The following CABLES1 variants were observed in gnomAD, a reference collection of about 807,000 sequenced individuals.
CABLES1 encodes Cdk5 and Abl enzyme substrate 1.
A neutral mutation model predicts 57.8 loss-of-function variants in CABLES1; 36 were observed. That is an observed-to-expected ratio of 0.62 (90% CI 0.48 to 0.82). The LOEUF is 0.82. CABLES1 is among the 40% of genes least tolerant of loss of function. The pLI, the probability that CABLES1 is intolerant of heterozygous loss-of-function variation, is 0.00. For synonymous variants in CABLES1, 374 were observed against 363.0 expected (o/e 1.03, Z -0.35); for missense variants, 767 against 836.6 (o/e 0.92, Z 1.03).
intron 7 of CABLES1, among the ~76,000 whole-genome samples, chr18:23,242,369 A>C (rs556352431): frequency 1.2e-4 from 18 of 152,318 alleles, no homozygotes; most frequent in Non-Finnish European, 2.1e-4. Context: ...ACCACAGAAC[A>C]GAGAATGTTG....
chr18:23,170,371 C>T (rs564525427), intron 1 of CABLES1, among the ~76,000 whole-genome samples: 1 of 152,304 alleles, frequency 6.6e-6, no homozygotes, highest in South Asian at 2.1e-4. Context: ...TGTCTGACCA[C>T]ACACAGAACA....
intron 7 of CABLES1, 33 bp downstream of exon 7, chr18:23,237,278 G>A (rs757939131): frequency 4.2e-6 from 6 of 1,440,768 alleles, no homozygotes; most frequent in Non-Finnish European, 5.9e-6. Flanking sequence ...TCCGTTTGCT[G>A]CACCGTCAGT....
chr18:23,153,254 C>T (rs2046943010), intron 1 of CABLES1, among the ~76,000 whole-genome samples: 1 of 151,992 alleles, frequency 6.6e-6, no homozygotes, highest in African/African-American at 2.4e-5. Flanking sequence ...CACTACCACA[C>T]CTGGCTAATT....
Position 23,135,672 on chromosome 18 carries a change from C to G in CABLES1, c.-91C>G. On this transcript the variant is annotated 5_prime_UTR_variant, in exon 1 of 10. Transcript: ENST00000256925. Reference sequence around the variant, plus strand: ...CGCCCGATCCCCGCGCCCTACCCAGCCCGGGTCGCCGCCGCTCGCGCCCGC... The same window carrying G: ...CGCCCGATCCCCGCGCCCTACCCAGGCCGGGTCGCCGCCGCTCGCGCCCGC... The G allele has an allele frequency of 1.0e-6, 1 of 977,760 alleles. No homozygotes were observed. The highest frequency in any genetic ancestry group is 4.7e-5 in the South Asian group (1 of 21,202). The allele number at this position is 977,760 out of a possible 1,614,324, so 60.6% of individuals were successfully genotyped here.
At chr18:23,159,956 A>C (rs1598804246) in intron 1 of CABLES1, among the ~76,000 whole-genome samples, 1 of 152,138 alleles carries the variant, frequency 6.6e-6, no homozygotes, top group East Asian at 1.9e-4. Flanking sequence ...AAGAATCATA[A>C]GTAACACTTG....
chr18:23,182,499 A>T (rs1425021670), intron 1 of CABLES1, among the ~76,000 whole-genome samples: 1 of 152,156 alleles, frequency 6.6e-6, no homozygotes, highest in Admixed American at 6.5e-5. Flanking sequence ...TCTCACTAGA[A>T]TCCCCCGGGA....
chr18:23,176,231 T>TGG (rs763634154), intron 1 of CABLES1, among the ~76,000 whole-genome samples: 2 of 151,762 alleles, frequency 1.3e-5, no homozygotes, highest in Non-Finnish European at 2.9e-5. Context: ...GCACTGGGGG[T>TGG]GGGGGGATGG....
intron 1 of CABLES1, among the ~76,000 whole-genome samples, chr18:23,157,508 G>A (rs1247906302): frequency 2.0e-5 from 3 of 152,188 alleles, no homozygotes; most frequent in Non-Finnish European, 4.4e-5. Context: ...CAGAGAGCCA[G>A]TGTGACCCAG....
intron 1 of CABLES1, among the ~76,000 whole-genome samples, chr18:23,146,780 T>G (rs2046894238): frequency 6.6e-6 from 1 of 152,076 alleles, no homozygotes; most frequent in Non-Finnish European, 1.5e-5. Flanking sequence ...AGAGCTAGAG[T>G]TTTAACATTT....
chr18:23,135,990 C>G lies in CABLES1; in HGVS notation c.228C>G (p.Gly76=). 8.8e-7 allele frequency: 1 copy of G among 1,137,504 alleles called. No homozygotes were observed. The highest frequency in any genetic ancestry group is 1.1e-6 in the Non-Finnish European group (1 of 927,830). The allele number at this position is 1,137,504 out of a possible 1,614,324, so 70.5% of individuals were successfully genotyped here. ...LSFLTNISLD[G]RLPPQDAEWG... is the part of the protein sequence containing the mutation. ...TCCTCACCAACATCTCGCTGGACGG[C>G]CGGCTGCCGCCGCAGGACGCGGAGT... Residue 76 remains glycine (G), a synonymous_variant, in exon 1 of 10, where the codon GGC becomes GGG. Coordinates refer to ENST00000256925, the MANE Select transcript of CABLES1 (RefSeq NM_001100619.3).
chr18:23,222,121 G>A (rs1274406113), intron 4 of CABLES1, among the ~76,000 whole-genome samples: 8 of 152,164 alleles, frequency 5.3e-5, no homozygotes, highest in African/African-American at 1.9e-4. Context: ...AACAGAAACA[G>A]GGCCCTTGAG....
intron 1 of CABLES1, among the ~76,000 whole-genome samples, chr18:23,187,388 T>G (rs7506813): frequency 6.6e-6 from 1 of 152,214 alleles, no homozygotes. Flanking sequence ...AAGGAGGCTG[T>G]ATGATGAGTA....
At chr18:23,183,330 C>T (rs976189670) in intron 1 of CABLES1, among the ~76,000 whole-genome samples, 2 of 152,136 alleles carry the variant, frequency 1.3e-5, no homozygotes, top group African/African-American at 2.4e-5. Flanking sequence ...CCCTTGTGAC[C>T]AGCCCTGCGT....
At chr18:23,230,468 G>A (rs2047559598) in intron 4 of CABLES1, among the ~76,000 whole-genome samples, 1 of 152,166 alleles carries the variant, frequency 6.6e-6, no homozygotes, top group Admixed American at 6.5e-5. Context: ...ACGCCTGTAC[G>A]TGTATGCTCT....
At chr18:23,189,935 A>G (rs1369255715) in intron 2 of CABLES1, among the ~76,000 whole-genome samples, 1 of 152,248 alleles carries the variant, frequency 6.6e-6, no homozygotes, top group East Asian at 1.9e-4. Flanking sequence ...GTGTCCGGCA[A>G]CTGTGAACTT....
intron 7 of CABLES1, among the ~76,000 whole-genome samples, chr18:23,240,759 C>T (rs1005595290): frequency 6.6e-6 from 1 of 152,230 alleles, no homozygotes; most frequent in African/African-American, 2.4e-5. Context: ...CCAGCAGAGG[C>T]GCCCACCTGA....
chr18:23,188,878 G>A lies in CABLES1; in HGVS notation c.886G>A (p.Glu296Lys). 2 of 1,613,970 alleles carry A rather than the reference G, an allele frequency of 1.2e-6. No homozygotes were observed. The highest frequency in any genetic ancestry group is 1.7e-6 in the Non-Finnish European group (2 of 1,179,902). Reference protein sequence around the residue: ...ISQRSSLETLEDIEENAPLRR... With the variant: ...ISQRSSLETLKDIEENAPLRR... The stretch of plus-strand genomic sequence containing the variant: ...CCAGAGATCTTCCTTGGAGACCCTG[G>A]AAGATATTGAGGAGAACGCCCCTCT... Residue 296 changes from glutamate to lysine, a missense_variant, in exon 2 of 10, where the codon GAA becomes AAA. Physicochemically the swap from Glu to Lys is moderately conservative, Grantham distance 56. Transcript: ENST00000256925.
chr18:23,218,842 G>A (rs1450101362), intron 4 of CABLES1, among the ~76,000 whole-genome samples: 1 of 152,176 alleles, frequency 6.6e-6, no homozygotes, highest in Non-Finnish European at 1.5e-5. Flanking sequence ...CACTTGTTCT[G>A]CTCCCAGCGA....
At chr18:23,171,281 C>T (rs879378872) in intron 1 of CABLES1, among the ~76,000 whole-genome samples, 2 of 152,196 alleles carry the variant, frequency 1.3e-5, no homozygotes, top group Non-Finnish European at 2.9e-5. Context: ...GTCTCCTCAC[C>T]GGATTGTTCT....
Sources: allele counts gnomAD v4.1 joint callset (sites outside exome capture counted in the v4.1 genomes callset), GRCh38; gene constraint gnomAD v4.1.1; transcripts MANE v1.5; gene names NCBI Gene and HGNC (gene_info 2026-07-23, HGNC 2026-07-21).